Variants in NDUFAF4 observed in about 807,000 individuals in gnomAD.
NDUFAF4 encodes the protein NADH:ubiquinone oxidoreductase complex assembly factor 4, also known as NADH dehydrogenase [ubiquinone] 1 alpha subcomplex assembly factor 4.
Under a neutral mutation model 15.6 loss-of-function variants are expected in NDUFAF4, and 10 were observed. The observed-to-expected ratio is 0.64, with a 90% CI of 0.40 to 1.09. The LOEUF (loss-of-function observed/expected upper bound fraction) is 1.09. Ranked by LOEUF, NDUFAF4 falls within the 50% of genes least tolerant of loss-of-function variation. The probability of loss-of-function intolerance (pLI) is 0.01; values close to 1 mark genes in which losing one functional copy is unlikely to be tolerated. For missense variants in NDUFAF4, 203 were observed against 207.3 expected (o/e 0.98, Z 0.13); for synonymous variants, 77 against 73.3 (o/e 1.05, Z -0.26).
In NDUFAF4 at chr6:96,890,376, C is replaced by T. The variant is rs1451012070; in HGVS notation, c.*728G>A. ...CTTTTTTGAAAGTTTCTGCTTCCTG[C>T]CTCTCTGAAGGCCATGGGACTTAAC... is the stretch of plus-strand genomic sequence containing the variant. On this transcript the variant is annotated 3_prime_UTR_variant, in exon 3 of 3. Transcript: ENST00000316149. The T allele has an allele frequency of 2.0e-4, 30 of 152,076 alleles. No homozygotes were observed. Among genetic ancestry groups the T allele is most frequent in the Admixed American group, 2.0e-3 (30 of 15,260 alleles). 9.4% of individuals were successfully genotyped at this position (152,076 alleles called of 1,614,324 possible). A position where few individuals can be genotyped will look rare whatever the true frequency, so the allele number is the denominator to read the frequency against.
chr6:96,897,783 G>T lies in NDUFAF4; in HGVS notation c.19C>A (p.Arg7Ser). 6.2e-7 allele frequency: 1 copy of T among 1,614,186 alleles called. No individual in the cohort carries two copies. The highest frequency in any genetic ancestry group is 8.5e-7 in the Non-Finnish European group (1 of 1,180,000). Residue 7 changes from arginine to serine, a missense_variant, in exon 1 of 3, where the codon CGC becomes AGC. By Grantham distance (110) the Arg-to-Ser change is moderately radical (BLOSUM62 -1). Transcript: ENST00000316149. ...TCTAGGTTGAAATTCCTGATACCGC[G>T]AATCACTAGTGCTCCCATCTCCTCA... MGALVIRGIRNFNLENR... is the reference protein window; with the variant it reads MGALVISGIRNFNLENR...
At position 96,891,322 on chromosome 6, in the gene NDUFAF4, T is replaced by A; in HGVS notation, c.310A>T (p.Ile104Leu). The A allele has an allele frequency of 6.2e-7, 1 of 1,613,758 alleles. No individual in the cohort carries two copies. ...CCTTTGGGAATGCTCTTAATATTTA[T>A]CATATCAAAATGATGGTCTTTCGGC... ...RLPKDHHFDM[I>L]NIKSIPKGKI... The change falls in exon 3 of 3, where the codon ATA (isoleucine) becomes TTA (leucine). Residue 104 changes from isoleucine to leucine, a missense_variant. Transcript: ENST00000316149.
intron 2 of NDUFAF4, among the ~76,000 whole-genome samples, chr6:96,892,334 C>T (rs748722376): frequency 3.3e-5 from 5 of 152,222 alleles, no homozygotes; most frequent in East Asian, 1.9e-4. Flanking sequence ...AATCCCAGCA[C>T]GTGTGCTCTG....
intron 1 of NDUFAF4, chr6:96,897,060 G>GA: frequency 2.0e-6 from 1 of 508,328 alleles, no homozygotes; most frequent in Non-Finnish European, 3.5e-6. Context: ...CCGACAAGCT[G>GA]AGGCTACAGG....
At chr6:96,897,538 G>A (rs1460771312) in intron 1 of NDUFAF4, 128 bp downstream of exon 1, 5 of 1,399,258 alleles carry the variant, frequency 3.6e-6, no homozygotes, top group Non-Finnish European at 3.9e-6. Flanking sequence ...CCAACGCTCC[G>A]CCAACCCGAG....
chr6:96,897,039 A>G (rs953104351), intron 1 of NDUFAF4, 192 bp from the exon 2 acceptor site: 18 of 529,670 alleles, frequency 3.4e-5, no homozygotes, highest in Non-Finnish European at 4.4e-5. Context: ...AGATTCTCCC[A>G]CCTCAGCCTC....
intron 1 of NDUFAF4, among the ~76,000 whole-genome samples, chr6:96,897,430 T>C (rs1382069995): frequency 1.3e-5 from 2 of 152,192 alleles, no homozygotes; most frequent in Non-Finnish European, 2.9e-5. Flanking sequence ...GCGGGAGCAC[T>C]GGCTGCTGCC....
rs1028511531 is a variant in NDUFAF4, at chr6:96,897,219, C to G, written c.137-372G>C. Among the ~76,000 whole-genome samples, 4 of 152,306 alleles carry G rather than the reference C, an allele frequency of 2.6e-5. No homozygotes were observed. In the South Asian group the frequency reaches 8.3e-4, roughly 32 times the overall value. Reference sequence around the variant, plus strand: ...AGATTACAGGCTTGAGCTACCGCGCCCGGCCTAACCACTTTAATTTTTTTA... The same window carrying G: ...AGATTACAGGCTTGAGCTACCGCGCGCGGCCTAACCACTTTAATTTTTTTA... On this transcript the variant is annotated intron_variant, in intron 1 of 2. Coordinates refer to ENST00000316149, the MANE Select transcript of NDUFAF4 (RefSeq NM_014165.4).
chr6:96,891,655 G>A (rs1326406909), intron 2 of NDUFAF4, among the ~76,000 whole-genome samples: 3 of 151,840 alleles, frequency 2.0e-5, no homozygotes, highest in African/African-American at 7.3e-5. Flanking sequence ...GTTTAAAAGT[G>A]TGTAGCACCT....
chr6:96,893,083 T>C (rs972219066), intron 2 of NDUFAF4, among the ~76,000 whole-genome samples: 7 of 152,096 alleles, frequency 4.6e-5, no homozygotes, highest in African/African-American at 1.7e-4. Context: ...AAAAATGAGA[T>C]TATACTTGCA....
Position 96,891,093 on chromosome 6 carries a change from T to C in NDUFAF4, c.*11A>G, listed in dbSNP as rs1295032310. 1.2e-6 allele frequency: 2 copies of C among 1,610,934 alleles called. No individual in the cohort carries two copies. Among genetic ancestry groups the C allele is most frequent in the African/African-American group, 2.7e-5 (2 of 74,964 alleles). On this transcript the variant is annotated 3_prime_UTR_variant, in exon 3 of 3. Coordinates refer to ENST00000316149, the MANE Select transcript of NDUFAF4 (RefSeq NM_014165.4). ...ATGAGGAGTACACATAGGAAATTTC[T>C]GTGATTTTCTTCATTTTGATCGTAT...
Position 96,897,715 on chromosome 6 carries a change from G to A in NDUFAF4, c.87C>T (p.Val29=). The A allele has an allele frequency of 6.2e-7, 1 of 1,614,198 alleles. No individual in the cohort carries two copies. Among genetic ancestry groups the A allele is most frequent in the Non-Finnish European group, 8.5e-7 (1 of 1,180,014 alleles). ...EREISKMKPS[V]APRHPSTNSL... is the part of the protein sequence containing the mutation. ...TGTTGGTAGAGGGGTGTCTGGGAGC[G>A]ACAGAGGGCTTCATCTTGCTGATTT... is the stretch of plus-strand genomic sequence containing the variant. The change falls in exon 1 of 3, where the codon GTC becomes GTT. Residue 29 remains valine, a synonymous_variant. Transcript: ENST00000316149.
chr6:96,895,555 G>A (rs1775361285), intron 2 of NDUFAF4, among the ~76,000 whole-genome samples: 1 of 152,058 alleles, frequency 6.6e-6, no homozygotes, highest in Non-Finnish European at 1.5e-5. Context: ...CGCATTATAT[G>A]TATAACTGAG....
chr6:96,896,880 T>G (rs1299392168), intron 1 of NDUFAF4, 33 bp from the exon 2 acceptor site: 1 of 1,495,610 alleles, frequency 6.7e-7, no homozygotes, highest in East Asian at 2.3e-5. Context: ...AATATTAAAA[T>G]CAAGGAAAAT....
chr6:96,897,522 C>T (rs1775400513), intron 1 of NDUFAF4, 144 bp downstream of exon 1: 2 of 1,232,384 alleles, frequency 1.6e-6, no homozygotes, highest in Middle Eastern at 2.8e-4. Flanking sequence ...CTGGCGGCTC[C>T]CCCTTCCAAC....
chr6:96,897,551 G>C, intron 1 of NDUFAF4, 115 bp downstream of exon 1: 1 of 1,457,014 alleles, frequency 6.9e-7, no homozygotes, highest in South Asian at 1.2e-5. Flanking sequence ...AACCCGAGCG[G>C]CTGCGGCCGA....
chr6:96,895,094 CAACA>C (rs1293156278), intron 2 of NDUFAF4, among the ~76,000 whole-genome samples: 2 of 152,030 alleles, frequency 1.3e-5, no homozygotes, highest in African/African-American at 2.4e-5. Context: ...CTGGGCTCTT[CAACA>C]AATTATATTT....
intron 2 of NDUFAF4, among the ~76,000 whole-genome samples, chr6:96,893,739 A>C (rs536851112): frequency 1.3e-4 from 20 of 151,910 alleles, no homozygotes; most frequent in African/African-American, 3.1e-4. Flanking sequence ...AAAAAAAAAA[A>C]CCCTTAGGAA....
Position 96,889,903 on chromosome 6 carries a change from T to A in NDUFAF4, c.*1201A>T, listed in dbSNP as rs1020108515. ...CTACAGAATCTTCGGTCATATATTC[T>A]CCCCAGGCACTTGTTTCTCCACCGC... On this transcript the variant is annotated 3_prime_UTR_variant, in exon 3 of 3. Transcript: ENST00000316149. The A allele has an allele frequency of 6.6e-6, 1 of 152,160 alleles. No individual in the cohort carries two copies. Among genetic ancestry groups the A allele is most frequent in the African/African-American group, 2.4e-5 (1 of 41,450 alleles). The allele number at this position is 152,160 out of a possible 1,614,324, so 9.4% of individuals were successfully genotyped here.
Sources: gnomAD v4.1 joint callset for allele counts (sites outside exome capture counted in the v4.1 genomes callset) on GRCh38, gnomAD v4.1.1 for gene constraint, MANE v1.5 for transcripts, NCBI Gene and HGNC (gene_info 2026-07-23, HGNC 2026-07-21) for gene names.